Variants in KIF3B observed in about 807,000 individuals in gnomAD.
KIF3B encodes kinesin-like protein KIF3B.
In KIF3B, 38 loss-of-function variants were observed where a neutral mutation model predicts 74.3. The observed-to-expected ratio is 0.51, with a 90% CI of 0.39 to 0.67. The LOEUF is 0.67. Ranked by LOEUF, KIF3B falls within the 30% of genes least tolerant of loss-of-function variation. KIF3B has a pLI of 0.00. For synonymous variants in KIF3B, 326 were observed against 342.5 expected, an observed-to-expected ratio of 0.95 and a Z score of 0.53; for missense variants, 649 against 932.0, an observed-to-expected ratio of 0.70 and a Z score of 3.95.
intron 1 of KIF3B, among the ~76,000 whole-genome samples, chr20:32,282,547 CA>C (rs528700634): frequency 1.8e-4 from 26 of 148,246 alleles, no homozygotes; most frequent in South Asian, 1.3e-3. Context: ...TACTGTGAAC[CA>C]AAAAAAAAAG....
chr20:32,323,423 C>T (rs1257806379), intron 5 of KIF3B, among the ~76,000 whole-genome samples: 1 of 151,530 alleles, frequency 6.6e-6, no homozygotes, highest in African/African-American at 2.4e-5. Flanking sequence ...TTATTTGAGA[C>T]AGAGTCTCAC....
intron 8 of KIF3B, 102 bp from the exon 9 acceptor site, chr20:32,331,121 C>CT: frequency 1.3e-6 from 1 of 770,124 alleles, no homozygotes; most frequent in Non-Finnish European, 2.2e-6. Context: ...TTGTCGTTTT[C>CT]AGGCCATTGA....
chr20:32,293,621 C>G (rs1157818493), intron 1 of KIF3B, among the ~76,000 whole-genome samples: 3 of 151,702 alleles, frequency 2.0e-5, no homozygotes, highest in East Asian at 1.9e-4. Flanking sequence ...AAAAAACAAA[C>G]AAAGAAAACA....
chr20:32,296,458 G>T (rs1167503653), intron 1 of KIF3B, among the ~76,000 whole-genome samples: 2 of 151,988 alleles, frequency 1.3e-5, no homozygotes, highest in African/African-American at 4.8e-5. Context: ...AAATTAGCTC[G>T]GTGTGATGGT....
intron 1 of KIF3B, among the ~76,000 whole-genome samples, chr20:32,297,074 G>A (rs1426051274): frequency 1.3e-5 from 2 of 152,050 alleles, no homozygotes; most frequent in Admixed American, 1.3e-4. Context: ...ATTGGTTTAG[G>A]CTGCTTAGCA....
Position 32,316,547 on chromosome 20 carries a change from C to T in KIF3B, c.1527C>T (p.Ile509=). 1 of 1,613,932 alleles carries T rather than the reference C, an allele frequency of 6.2e-7. No homozygotes were observed. Among genetic ancestry groups the T allele is most frequent in the Admixed American group, 1.7e-5 (1 of 59,968 alleles). The change falls in exon 4 of 9, where the codon ATC becomes ATT. Residue 509 remains isoleucine, a synonymous_variant. Transcript: ENST00000375712. The part of the protein sequence containing the change: ...IAEQKRRERE[I]QQQMESRDEE... Reference sequence around the variant, plus strand: ...CTCAGAAACGTCGAGAAAGAGAAATCCAGCAACAGATGGAAAGTCGAGATG... The same window carrying T: ...CTCAGAAACGTCGAGAAAGAGAAATTCAGCAACAGATGGAAAGTCGAGATG...
At chr20:32,313,716 G>C (rs2047813059) in intron 2 of KIF3B, among the ~76,000 whole-genome samples, 1 of 151,964 alleles carries the variant, frequency 6.6e-6, no homozygotes, top group African/African-American at 2.4e-5. Flanking sequence ...GTTTTGTTTT[G>C]TTTTGTTTTG....
chr20:32,300,398 C>G (rs1364680774), intron 1 of KIF3B, among the ~76,000 whole-genome samples: 1 of 152,094 alleles, frequency 6.6e-6, no homozygotes, highest in Non-Finnish European at 1.5e-5. Flanking sequence ...CTGCCTCAGC[C>G]TCCCGAGTAG....
intron 2 of KIF3B, among the ~76,000 whole-genome samples, chr20:32,312,160 G>A (rs577816019): frequency 3.5e-4 from 51 of 143,838 alleles, no homozygotes; most frequent in Middle Eastern, 3.6e-3. Context: ...TGTCAACCCT[G>A]GAGTGCAGTG....
At chr20:32,283,655 C>G (rs1042260180) in intron 1 of KIF3B, among the ~76,000 whole-genome samples, 1 of 151,712 alleles carries the variant, frequency 6.6e-6, no homozygotes, top group Admixed American at 6.6e-5. Context: ...ACTGAAAATA[C>G]AAAAATTAGT....
chr20:32,314,538 TAA>T (rs770674327), intron 2 of KIF3B, among the ~76,000 whole-genome samples: 14 of 138,988 alleles, frequency 1.0e-4, no homozygotes, highest in Non-Finnish European at 4.7e-5. Flanking sequence ...AGACTCCATC[TAA>T]AAAAAAAAAA....
chr20:32,278,921 CTTTTTT>C (rs57355936), intron 1 of KIF3B, among the ~76,000 whole-genome samples: 1 of 118,420 alleles, frequency 8.4e-6, no homozygotes, highest in African/African-American at 3.1e-5. Flanking sequence ...CTTAAGAATC[CTTTTTT>C]TTTTTTTTTT....
chr20:32,316,374 G>T, intron 3 of KIF3B, 55 bp downstream of exon 3: 1 of 1,535,484 alleles, frequency 6.5e-7, no homozygotes, highest in Non-Finnish European at 9.0e-7. Context: ...TGTTTATGCT[G>T]CAGAGCAAAC....
At chr20:32,291,442 GCACCC>G (rs2047690789) in intron 1 of KIF3B, among the ~76,000 whole-genome samples, 1 of 151,700 alleles carries the variant, frequency 6.6e-6, no homozygotes, top group South Asian at 2.1e-4. Flanking sequence ...AACCTTCCAT[GCACCC>G]CACCCCTGAA....
chr20:32,289,277 C>G (rs929300764), intron 1 of KIF3B, among the ~76,000 whole-genome samples: 1 of 151,054 alleles, frequency 6.6e-6, no homozygotes, highest in Non-Finnish European at 1.5e-5. Context: ...TCACTGCAAC[C>G]TCTGCCTCCT....
chr20:32,327,705 T>C (rs2047911249), intron 7 of KIF3B, 44 bp downstream of exon 7: 1 of 1,476,848 alleles, frequency 6.8e-7, no homozygotes, highest in African/African-American at 1.4e-5. Context: ...TCTTTTGGAG[T>C]CTAGATTTGT....
intron 5 of KIF3B, 130 bp downstream of exon 5, chr20:32,317,004 G>A (rs535142200): frequency 1.4e-6 from 1 of 693,270 alleles, no homozygotes; most frequent in South Asian, 1.7e-5. Flanking sequence ...GGGAAGCGGA[G>A]GCGGGCAGAT....
At chr20:32,329,927 G>C (rs1256761169) in intron 7 of KIF3B, among the ~76,000 whole-genome samples, 1 of 152,186 alleles carries the variant, frequency 6.6e-6, no homozygotes, top group African/African-American at 2.4e-5. Flanking sequence ...ATTCTTCCTG[G>C]CTTTGAGTTA....
intron 7 of KIF3B, 101 bp from the exon 8 acceptor site, chr20:32,330,040 C>T: frequency 1.9e-6 from 2 of 1,060,668 alleles, no homozygotes; most frequent in African/African-American, 1.6e-5. Context: ...CCCTGAATAA[C>T]AAGCAATTTG....
Sources: gnomAD v4.1 joint callset for allele counts (sites outside exome capture counted in the v4.1 genomes callset) on GRCh38, gnomAD v4.1.1 for gene constraint, MANE v1.5 for transcripts, NCBI Gene and HGNC (gene_info 2026-07-23, HGNC 2026-07-21) for gene names.